The following CDK8 variants were observed in gnomAD, a reference collection of about 807,000 sequenced individuals.
CDK8 encodes the protein cyclin dependent kinase 8, also known as cyclin-dependent kinase 8.
A neutral mutation model predicts 71.5 loss-of-function variants in CDK8; 29 were observed. That is an observed-to-expected ratio of 0.41 (90% CI 0.30 to 0.55). The LOEUF (loss-of-function observed/expected upper bound fraction) is 0.55, where lower values mean the gene tolerates loss of function less well. Among genes scored for constraint, CDK8 ranks in the 20% least tolerant of loss-of-function variants. The pLI is 0.37. For synonymous variants in CDK8, 161 were observed against 192.1 expected, an observed-to-expected ratio of 0.84 and a Z score of 1.34; for missense variants, 288 against 572.6, an observed-to-expected ratio of 0.50 and a Z score of 5.07.
intron 1 of CDK8, among the ~76,000 whole-genome samples, chr13:26,265,340 G>A (rs573405620): frequency 6.6e-6 from 1 of 152,294 alleles, no homozygotes; most frequent in African/African-American, 2.4e-5. Context: ...GGCTGCAGTA[G>A]GGAAAATTGT....
chr13:26,277,569 A>G (rs1402000298), intron 1 of CDK8, among the ~76,000 whole-genome samples: 2 of 152,214 alleles, frequency 1.3e-5, no homozygotes, highest in Non-Finnish European at 2.9e-5. Context: ...GAAAGGTACC[A>G]TAGTATATAA....
chr13:26,275,023 C>T (rs185083544), intron 1 of CDK8, among the ~76,000 whole-genome samples: 41 of 152,164 alleles, frequency 2.7e-4, no homozygotes, highest in Middle Eastern at 3.4e-3. Flanking sequence ...TTTTTCTACT[C>T]CTTTTAATGC....
At chr13:26,266,769 TTC>T (rs1218158832) in intron 1 of CDK8, among the ~76,000 whole-genome samples, 1 of 152,216 alleles carries the variant, frequency 6.6e-6, no homozygotes, top group Non-Finnish European at 1.5e-5. Flanking sequence ...CCATTCCTGT[TTC>T]TCTGCTGGCT....
intron 4 of CDK8, among the ~76,000 whole-genome samples, chr13:26,375,038 A>G (rs1874881123): frequency 6.6e-6 from 1 of 152,162 alleles, no homozygotes. Context: ...AATTCATATC[A>G]GAAAAGTAAT....
intron 1 of CDK8, among the ~76,000 whole-genome samples, chr13:26,272,624 T>C (rs1222664535): frequency 6.6e-6 from 1 of 152,224 alleles, no homozygotes; most frequent in South Asian, 2.1e-4. Flanking sequence ...ACACTCTTAA[T>C]GATAAAAACC....
chr13:26,366,683 TAAA>T (rs1874404340), intron 4 of CDK8, among the ~76,000 whole-genome samples: 1 of 152,220 alleles, frequency 6.6e-6, no homozygotes, highest in Non-Finnish European at 1.5e-5. Context: ...TGTGAATTTC[TAAA>T]ATCAATTTCT....
intron 1 of CDK8, among the ~76,000 whole-genome samples, chr13:26,255,866 A>C (rs962184252): frequency 1.3e-5 from 2 of 152,188 alleles, no homozygotes; most frequent in Admixed American, 6.5e-5. Context: ...TTCAGACTAC[A>C]TTAGCACGAA....
intron 1 of CDK8, among the ~76,000 whole-genome samples, chr13:26,269,235 A>G (rs553924958): frequency 2.4e-4 from 36 of 152,358 alleles, no homozygotes; most frequent in African/African-American, 8.7e-4. Context: ...TCTTGATAGT[A>G]TGGATACAAT....
At chr13:26,313,352 A>T (rs1874375502) in intron 1 of CDK8, among the ~76,000 whole-genome samples, 1 of 152,204 alleles carries the variant, frequency 6.6e-6, no homozygotes, top group Non-Finnish European at 1.5e-5. Context: ...AGAGATGAAG[A>T]ATTGATAATT....
intron 1 of CDK8, among the ~76,000 whole-genome samples, chr13:26,270,654 A>G (rs1020200441): frequency 6.6e-6 from 1 of 152,132 alleles, no homozygotes; most frequent in Non-Finnish European, 1.5e-5. Context: ...CTCTTTTGTG[A>G]CTGACTTCCT....
chr13:26,269,731 C>A (rs1169510765), intron 1 of CDK8, among the ~76,000 whole-genome samples: 1 of 152,092 alleles, frequency 6.6e-6, no homozygotes, highest in Non-Finnish European at 1.5e-5. Context: ...ACTGGACTCA[C>A]TGAATTTAAA....
chr13:26,269,806 T>C (rs1038488199), intron 1 of CDK8, among the ~76,000 whole-genome samples: 5 of 152,170 alleles, frequency 3.3e-5, no homozygotes, highest in African/African-American at 1.2e-4. Context: ...TAAAATTCTG[T>C]ACTATATTCT....
chr13:26,259,329 C>T (rs1211621676), intron 1 of CDK8, among the ~76,000 whole-genome samples: 1 of 152,108 alleles, frequency 6.6e-6, no homozygotes, highest in African/African-American at 2.4e-5. Flanking sequence ...TGCATCTCTA[C>T]TGAGCATGTA....
chr13:26,259,718 G>T (rs920858492), intron 1 of CDK8, among the ~76,000 whole-genome samples: 1 of 152,134 alleles, frequency 6.6e-6, no homozygotes, highest in African/African-American at 2.4e-5. Flanking sequence ...CAATTCATTT[G>T]GGATTTGTTC....
chr13:26,357,310 A>G (rs1873935699), intron 4 of CDK8, among the ~76,000 whole-genome samples: 1 of 152,214 alleles, frequency 6.6e-6, no homozygotes, highest in Non-Finnish European at 1.5e-5. Flanking sequence ...GTGTTTTAAG[A>G]AATATGGACC....
chr13:26,318,237 A>G (rs1874603182), intron 1 of CDK8, among the ~76,000 whole-genome samples: 1 of 152,164 alleles, frequency 6.6e-6, no homozygotes, highest in South Asian at 2.1e-4. Context: ...AGATTAAATC[A>G]TGAAGAAATA....
At chr13:26,300,036 G>A (rs1012393524) in intron 1 of CDK8, among the ~76,000 whole-genome samples, 3 of 152,022 alleles carry the variant, frequency 2.0e-5, no homozygotes, top group Admixed American at 2.0e-4. Flanking sequence ...GAAAAATGGG[G>A]ACCTACTACC....
intron 1 of CDK8, among the ~76,000 whole-genome samples, chr13:26,287,945 C>A (rs1378685127): frequency 1.3e-5 from 2 of 151,984 alleles, no homozygotes; most frequent in African/African-American, 2.4e-5. Flanking sequence ...AGCAGAAGTT[C>A]TTAATTTTAG....
intron 8 of CDK8, among the ~76,000 whole-genome samples, 198 bp from the exon 9 acceptor site, chr13:26,396,955 G>A (rs1019436222): frequency 6.6e-6 from 1 of 151,942 alleles, no homozygotes; most frequent in Non-Finnish European, 1.5e-5. Flanking sequence ...TTAATCATCG[G>A]TATCCTTTCA....
Sources: gnomAD v4.1 joint callset for allele counts (sites outside exome capture counted in the v4.1 genomes callset) on GRCh38, gnomAD v4.1.1 for gene constraint, MANE v1.5 for transcripts, NCBI Gene and HGNC (gene_info 2026-07-23, HGNC 2026-07-21) for gene names.